STIMATE: variants seen among roughly 807,000 people sequenced by gnomAD.
STIMATE encodes store-operated calcium entry regulator STIMATE.
In STIMATE, 15 loss-of-function variants were observed where a neutral mutation model predicts 36.7. The ratio of observed to expected loss-of-function variants is 0.41; its 90% CI spans 0.27 to 0.63. The LOEUF (loss-of-function observed/expected upper bound fraction) is 0.63. Ranked by LOEUF, STIMATE falls within the 20% of genes least tolerant of loss-of-function variation. The pLI is 0.32. For missense variants in STIMATE, 305 were observed against 397.3 expected (o/e 0.77, Z 1.98); for synonymous variants, 163 against 162.3 (o/e 1.00, Z -0.03).
chr3:52,887,658 T>C (rs1701711644), intron 1 of STIMATE, among the ~76,000 whole-genome samples: 1 of 152,168 alleles, frequency 6.6e-6, no homozygotes, highest in South Asian at 2.1e-4. Flanking sequence ...CCTGCCTCCA[T>C]GCCCTTATGC....
At chr3:52,845,849 T>C (rs4687555) in intron 4 of STIMATE, among the ~76,000 whole-genome samples, 134,697 of 151,042 alleles carry the variant, frequency 0.89, 61,875 homozygotes, top group Non-Finnish European at 1. Flanking sequence ...TGTGGGAAGG[T>C]TGCCTGGGGC....
chr3:52,860,709 G>A lies in STIMATE; in HGVS notation c.161-5265C>T, dbSNP rs568557842. On this transcript the variant is annotated intron_variant, in intron 1 of 7. Transcript: ENST00000355083. ...ATGCTGGCACTGACCGGGGCAATAG[G>A]AGAGGGGAGAAGAGGTCAGATTCCG... 2.6e-5 allele frequency among the ~76,000 whole-genome samples: 4 copies of A among 152,368 alleles called. No individual in the cohort carries two copies. In the East Asian group the frequency reaches 7.7e-4, roughly 29 times the overall value.
chr3:52,887,751 G>C (rs1369801960), intron 1 of STIMATE, among the ~76,000 whole-genome samples: 1 of 152,104 alleles, frequency 6.6e-6, no homozygotes, highest in African/African-American at 2.4e-5. Flanking sequence ...GGGAGAATGA[G>C]ATTTCACTAT....
At chr3:52,843,033 G>A (rs559938705) in intron 6 of STIMATE, 73 bp from the exon 7 acceptor site, 59 of 1,594,846 alleles carry the variant, frequency 3.7e-5, no homozygotes, top group African/African-American at 1.9e-4. Flanking sequence ...GCCCCCATCC[G>A]CCCACTCCCA....
intron 1 of STIMATE, among the ~76,000 whole-genome samples, chr3:52,885,321 T>C (rs748813949): frequency 1.3e-4 from 20 of 152,240 alleles, no homozygotes; most frequent in Non-Finnish European, 2.6e-4. Context: ...CCTGGTCAGA[T>C]AGTCATATTT....
chr3:52,847,072 A>T (rs1700920683), intron 4 of STIMATE, among the ~76,000 whole-genome samples: 1 of 151,302 alleles, frequency 6.6e-6, no homozygotes, highest in South Asian at 2.1e-4. Context: ...CTGGCTAATT[A>T]AAAAAAATTT....
In STIMATE at chr3:52,860,139, A is replaced by G. The variant is rs552159288; in HGVS notation, c.161-4695T>C. On this transcript the variant is annotated intron_variant, in intron 1 of 7. Transcript: ENST00000355083. ...TGGTAAAGGGGGTAAAAAAAAAAAA[A>G]CAGAAAAATTCATTCATCTACCATC... 7.9e-3 allele frequency among the ~76,000 whole-genome samples: 1,108 copies of G among 139,846 alleles called. 117 individuals are homozygous for G. The South Asian group carries it at 0.23, about 29-fold the overall frequency. The allele number at this position is 139,846 out of a possible 152,430, so 91.7% of individuals were successfully genotyped here. A position where few individuals can be genotyped will look rare whatever the true frequency, so the allele number is the denominator to read the frequency against.
At chr3:52,864,326 G>A (rs1354277171) in intron 1 of STIMATE, among the ~76,000 whole-genome samples, 1 of 152,190 alleles carries the variant, frequency 6.6e-6, no homozygotes, top group Non-Finnish European at 1.5e-5. Flanking sequence ...TTTGGAGCCT[G>A]CACCCTCTGA....
rs1385860002 is a variant in STIMATE at position 52,852,691 on chromosome 3, C to G, written c.217G>C (p.Asp73His). 2 of 1,613,944 alleles carry G rather than the reference C, an allele frequency of 1.2e-6. No homozygotes were observed. Among genetic ancestry groups the G allele is most frequent in the East Asian group, 2.2e-5 (1 of 44,878 alleles). ...ERRPWRIWFL[D>H]TSKQAIGMLF... The stretch of plus-strand genomic sequence containing the variant: ...ATTCCTATGGCTTGTTTGGAAGTGT[C>G]TAAAAACCTGTACAAAATAAACCAG... Residue 73 changes from aspartate (D) to histidine (H), a missense_variant, in exon 3 of 8, where the codon GAC (aspartate) becomes CAC (histidine). Around this residue, in one of 3 missense-constraint regions of STIMATE, gnomAD observed 164 missense variants for 257.9 expected, o/e 0.64. Coordinates refer to ENST00000355083, the MANE Select transcript of STIMATE (RefSeq NM_198563.5).
chr3:52,840,700 GTTTT>G (rs71901519), intron 7 of STIMATE, 90 bp from the exon 8 acceptor site: 5,884 of 790,342 alleles, frequency 7.4e-3, no homozygotes, highest in South Asian at 0.014. Context: ...CAAGTCTCAT[GTTTT>G]TTTTTTTTTT....
intron 2 of STIMATE, 125 bp from the exon 3 acceptor site, chr3:52,852,823 C>T: frequency 8.4e-7 from 1 of 1,194,248 alleles, no homozygotes; most frequent in South Asian, 1.6e-5. Context: ...TTATCTCTTC[C>T]TGGGGCCTTG....
At chr3:52,885,206 T>G (rs1461813109) in intron 1 of STIMATE, among the ~76,000 whole-genome samples, 1 of 152,228 alleles carries the variant, frequency 6.6e-6, no homozygotes, top group Admixed American at 6.5e-5. Flanking sequence ...CATTGGCCAT[T>G]TGTATATCTT....
intron 1 of STIMATE, among the ~76,000 whole-genome samples, chr3:52,876,173 A>G (rs1701500933): frequency 6.6e-6 from 1 of 152,256 alleles, no homozygotes; most frequent in Non-Finnish European, 1.5e-5. Flanking sequence ...GGAAGTGGAT[A>G]GAATCATCCT....
intron 1 of STIMATE, among the ~76,000 whole-genome samples, chr3:52,896,230 C>T (rs1425825905): frequency 1.3e-5 from 2 of 152,204 alleles, no homozygotes; most frequent in Non-Finnish European, 2.9e-5. Flanking sequence ...TGCAAGATCC[C>T]TCCTGAGTAC....
chr3:52,897,223 GC>G, intron 1 of STIMATE, 67 bp downstream of exon 1: 4 of 1,508,584 alleles, frequency 2.7e-6, no homozygotes, highest in East Asian at 5.1e-5. Flanking sequence ...CGCAGGAGGG[GC>G]CCCCAGGGGG....
At position 52,843,772 on chromosome 3, in the gene STIMATE, G is replaced by A; in HGVS notation, c.567C>T (p.Asn189=). The change falls in exon 6 of 8, where the codon AAC becomes AAT. Residue 189 remains asparagine (N), a synonymous_variant. Coordinates refer to ENST00000355083, the MANE Select transcript of STIMATE (RefSeq NM_198563.5). ...TGACGATGGCCAGCTTCAAGTCTGG[G>A]TTTTCAATGGGATTCAACAGGGCCA... ...KKVALLNPIE[N]PDLKLAIVML... is the part of the protein sequence containing the mutation. The A allele has an allele frequency of 2.5e-6, 4 of 1,582,374 alleles. No individual in the cohort carries two copies. Among genetic ancestry groups the A allele is most frequent in the Non-Finnish European group, 3.4e-6 (4 of 1,160,478 alleles).
In STIMATE at chr3:52,836,963, C is replaced by G; in HGVS notation, c.*3531G>C. ...AAAATCAAATTTAAAACAACCCAAC[C>G]AACCAACCACCAACCAACCCAGGAG... On this transcript the variant is annotated 3_prime_UTR_variant, in exon 8 of 8. Coordinates refer to ENST00000355083, the MANE Select transcript of STIMATE (RefSeq NM_198563.5). The G allele has an allele frequency of 5.1e-6, 1 of 194,622 alleles. No individual in the cohort carries two copies. The highest frequency in any genetic ancestry group is 1.1e-5 in the Non-Finnish European group (1 of 92,558). 12.1% of individuals were successfully genotyped at this position (194,622 alleles called of 1,614,324 possible).
chr3:52,854,396 A>G (rs1410270156), intron 2 of STIMATE, among the ~76,000 whole-genome samples: 1 of 152,158 alleles, frequency 6.6e-6, no homozygotes, highest in Non-Finnish European at 1.5e-5. Context: ...GGGGCTGGAG[A>G]CTGAGTTAAC....
intron 1 of STIMATE, among the ~76,000 whole-genome samples, chr3:52,891,519 CCT>C (rs1701782171): frequency 6.6e-6 from 1 of 152,166 alleles, no homozygotes; most frequent in African/African-American, 2.4e-5. Context: ...CACCCACTGC[CCT>C]CTCTCTCAGA....
Sources: gnomAD v4.1 joint callset for allele counts (sites outside exome capture counted in the v4.1 genomes callset) on GRCh38, gnomAD v4.1.1 for gene constraint, gnomAD v4.1.1 regional missense constraint, MANE v1.5 for transcripts, NCBI Gene and HGNC (gene_info 2026-07-23, HGNC 2026-07-21) for gene names.